PXN: variants seen among roughly 807,000 people sequenced by gnomAD.
PXN encodes testicular tissue protein Li 134.
A neutral mutation model predicts 103.6 loss-of-function variants in PXN; 61 were observed. That is an observed-to-expected ratio of 0.59 (90% CI 0.48 to 0.73). The LOEUF is 0.73. Ranked by LOEUF, PXN falls within the 30% of genes least tolerant of loss-of-function variation. PXN has a pLI of 0.00. For missense variants in PXN, 1,274 were observed against 1,460.3 expected (o/e 0.87, Z 2.08); for synonymous variants, 562 against 607.8 (o/e 0.92, Z 1.11).
chr12:120,233,409 T>A (rs900684971), intron 1 of PXN, among the ~76,000 whole-genome samples: 3 of 152,098 alleles, frequency 2.0e-5, no homozygotes, highest in Non-Finnish European at 2.9e-5. Context: ...CGGGTTCAAA[T>A]GATCCTCCTG....
rs769355352 is a variant in PXN, at chr12:120,212,300, CAG to C, written c.*12_*13del. The C allele has an allele frequency of 3.9e-5, 63 of 1,607,056 alleles. No individual in the cohort carries two copies. In the East Asian group the frequency reaches 8.3e-4, roughly 21 times the overall value. The stretch of plus-strand genomic sequence containing the variant: ...GCTGGCTGGGGAAGGGGGGCAGAGA[CAG>C]GGGCAGGGCACCTAGCAGAAGAGCT... On this transcript the variant is annotated 3_prime_UTR_variant, in exon 15 of 15. Coordinates refer to ENST00000637617, the MANE Select transcript of PXN (RefSeq NM_001385981.1). The surrounding 1 kb of genome is among the most constrained non-coding windows in gnomAD (Gnocchi z 7.2).
chr12:120,241,499 A>G (rs1040761116), intron 1 of PXN, among the ~76,000 whole-genome samples: 30 of 152,346 alleles, frequency 2.0e-4, no homozygotes, highest in Admixed American at 4.6e-4. Flanking sequence ...TGATGGCTCC[A>G]ATCGCGTTCA....
At chr12:120,227,919 C>T (rs925998477) in intron 1 of PXN, among the ~76,000 whole-genome samples, 2 of 152,202 alleles carry the variant, frequency 1.3e-5, no homozygotes, top group Admixed American at 6.5e-5. Context: ...GCAAACAGAG[C>T]TGGCAGACAC....
At chr12:120,218,147 C>G (rs374035642) in intron 7 of PXN, among the ~76,000 whole-genome samples, 12 of 150,858 alleles carry the variant, frequency 8.0e-5, no homozygotes, top group East Asian at 7.8e-4. Flanking sequence ...TGGGCTAAAG[C>G]CATCCTCCTG....
At position 120,222,584 on chromosome 12, in the gene PXN, G is replaced by A; in HGVS notation, c.660C>T (p.Leu220=). The part of the protein sequence containing the change: ...LEDVRPSVES[L]LDELESSVPS... The stretch of plus-strand genomic sequence containing the variant: ...GCACGGAGCTCTCCAGTTCATCCAA[G>A]AGACTCTCCACACTGGGCCGCACGT... The change falls in exon 5 of 15, where the codon CTC becomes CTT. Residue 220 remains leucine (L), a synonymous_variant. Transcript: ENST00000637617. This position sits in a 1 kb window ranked among gnomAD's most constrained non-coding sequence, Gnocchi z 4.7. 1 of 1,608,094 alleles carries A rather than the reference G, an allele frequency of 6.2e-7. No individual in the cohort carries two copies.
At position 120,217,099 on chromosome 12, in the gene PXN, C is replaced by T; in HGVS notation, c.1734G>A (p.Arg578=). 1 of 1,589,720 alleles carries T rather than the reference C, an allele frequency of 6.3e-7. No individual in the cohort carries two copies. Among genetic ancestry groups the T allele is most frequent in the Non-Finnish European group, 8.5e-7 (1 of 1,176,470 alleles). ...GTGCGTGGCCAGACTCCCAGCTCCT[C>T]CTGATCACAGATCGGATCTAGGGGG... ...STSGQIRSVI[R]RSWESGHAHP... Residue 578 remains arginine, a synonymous_variant, in exon 8 of 15, where the codon AGG becomes AGA. Coordinates refer to ENST00000637617, the MANE Select transcript of PXN (RefSeq NM_001385981.1). This position sits in a 1 kb window ranked among gnomAD's most constrained non-coding sequence, Gnocchi z 4.1.
At position 120,217,179 on chromosome 12, in the gene PXN, G is replaced by C; in HGVS notation, c.1717-63C>G. On this transcript the variant is annotated intron_variant, in intron 7 of 14. Transcript: ENST00000637617. The surrounding 1 kb of genome is among the most constrained non-coding windows in gnomAD (Gnocchi z 4.1). ...TCCCAGCTTGCACAACGCTGCTCAG[G>C]CCACACTCAGATGCCTCAGGAGAGG... is the stretch of plus-strand genomic sequence containing the variant. 7.5e-7 allele frequency: 1 copy of C among 1,336,726 alleles called. No homozygotes were observed. Among genetic ancestry groups the C allele is most frequent in the Non-Finnish European group, 1.0e-6 (1 of 969,066 alleles). 82.8% of individuals were successfully genotyped at this position (1,336,726 alleles called of 1,614,324 possible). A position where few individuals can be genotyped will look rare whatever the true frequency, so the allele number is the denominator to read the frequency against.
At chr12:120,243,749 C>G (rs371280692) in intron 1 of PXN, among the ~76,000 whole-genome samples, 11 of 152,286 alleles carry the variant, frequency 7.2e-5, no homozygotes, top group East Asian at 5.8e-4. Context: ...GAAGCCCTCC[C>G]TGACCTTACT....
chr12:120,256,906 G>T lies in PXN; in HGVS notation c.13+8711C>A, dbSNP rs151273439. Among the ~76,000 whole-genome samples the T allele has an allele frequency of 8.4e-3, 1,281 of 152,190 alleles. 18 individuals carry two copies. Among genetic ancestry groups the T allele is most frequent in the African/African-American group, 0.027 (1,111 of 41,528 alleles). ...CTAATTTTGTATTTTAGTAGAGATG[G>T]GGTTTCTCCATGTTGGTCAAGCTGG... On this transcript the variant is annotated intron_variant, in intron 1 of 14. Coordinates refer to ENST00000637617, the MANE Select transcript of PXN (RefSeq NM_001385981.1).
chr12:120,234,421 C>CA (rs1432314580), intron 1 of PXN, among the ~76,000 whole-genome samples: 17 of 151,732 alleles, frequency 1.1e-4, no homozygotes, highest in East Asian at 7.7e-4. Context: ...AAAAACAAAA[C>CA]AAAAAAAACA....
At position 120,221,935 on chromosome 12, in the gene PXN, A is replaced by G. The variant is rs915938032; in HGVS notation, c.696-177T>C. Among the ~76,000 whole-genome samples the G allele has an allele frequency of 2.6e-5, 4 of 152,100 alleles. No homozygotes were observed. The highest frequency in any genetic ancestry group is 4.8e-5 in the African/African-American group (2 of 41,406). ...CTGGGTCAGAAGAAAGGGCAGTTCAATGGCACCAGGAAGTGCCAGGAAGAC... is the reference window on the plus strand; with the variant it reads ...CTGGGTCAGAAGAAAGGGCAGTTCAGTGGCACCAGGAAGTGCCAGGAAGAC... On this transcript the variant is annotated intron_variant, in intron 5 of 14. Coordinates refer to ENST00000637617, the MANE Select transcript of PXN (RefSeq NM_001385981.1). This position sits in a 1 kb window ranked among gnomAD's most constrained non-coding sequence, Gnocchi z 6.6.
At chr12:120,244,848 T>A (rs528202531) in intron 1 of PXN, among the ~76,000 whole-genome samples, 107 of 151,104 alleles carry the variant, frequency 7.1e-4, no homozygotes, top group African/African-American at 2.4e-3. Context: ...TAAAATAAAA[T>A]AAAATAAATA....
intron 1 of PXN, among the ~76,000 whole-genome samples, chr12:120,241,587 A>G (rs1890147052): frequency 6.6e-6 from 1 of 152,214 alleles, no homozygotes; most frequent in South Asian, 2.1e-4. Flanking sequence ...GGGAGCACTG[A>G]CTAGTGGGAG....
At chr12:120,263,479 A>C (rs1894197084) in intron 1 of PXN, among the ~76,000 whole-genome samples, 1 of 152,200 alleles carries the variant, frequency 6.6e-6, no homozygotes, top group South Asian at 2.1e-4. Context: ...CTCCCCAGGA[A>C]AAAAAGTCTT....
rs921512992 is a variant in PXN at position 120,215,408 on chromosome 12, G to T, written c.2404-135C>A. On this transcript the variant is annotated intron_variant, in intron 10 of 14. Transcript: ENST00000637617. This position sits in a 1 kb window ranked among gnomAD's most constrained non-coding sequence, Gnocchi z 4.9. ...ACAAGAAGTACAACCTCCTCCAGGG[G>T]CCAGGAGCCCTAAAGTGGGAGTGAC... The T allele has an allele frequency of 2.8e-6, 4 of 1,451,622 alleles. No individual in the cohort carries two copies. Among genetic ancestry groups the T allele is most frequent in the Middle Eastern group, 1.8e-4 (1 of 5,576 alleles). The allele number at this position is 1,451,622 out of a possible 1,614,324, so 89.9% of individuals were successfully genotyped here.
rs1010228343 is a variant in PXN at position 120,220,628 on chromosome 12, C to T, written c.832-537G>A. ...GAGAAAACGGCAGCCTTAAAAGCACCGGGGCACAGCTCCCTCAGGCCAGGC... is the reference window on the plus strand; with the variant it reads ...GAGAAAACGGCAGCCTTAAAAGCACTGGGGCACAGCTCCCTCAGGCCAGGC... On this transcript the variant is annotated intron_variant, in intron 6 of 14. Transcript: ENST00000637617. This position sits in a 1 kb window ranked among gnomAD's most constrained non-coding sequence, Gnocchi z 6.1. Among the ~76,000 whole-genome samples, 2 of 152,212 alleles carry T rather than the reference C, an allele frequency of 1.3e-5. No individual in the cohort carries two copies. Among genetic ancestry groups the T allele is most frequent in the South Asian group, 2.1e-4 (1 of 4,824 alleles).
chr12:120,229,482 T>C lies in PXN; in HGVS notation c.14-5105A>G, dbSNP rs541265549. Among the ~76,000 whole-genome samples the C allele has an allele frequency of 6.6e-6, 1 of 152,308 alleles. No homozygotes were observed. Among genetic ancestry groups the C allele is most frequent in the African/African-American group, 2.4e-5 (1 of 41,556 alleles). ...TGAGGACTTTCAGTGTTACAACTTG[T>C]ACGGTGAATCCTCAGTCACCTGGGC... On this transcript the variant is annotated intron_variant, in intron 1 of 14. Coordinates refer to ENST00000637617, the MANE Select transcript of PXN (RefSeq NM_001385981.1). The surrounding 1 kb of genome is among the most constrained non-coding windows in gnomAD (Gnocchi z 4.0).
chr12:120,234,995 G>C (rs993213736), intron 1 of PXN, among the ~76,000 whole-genome samples: 1 of 152,022 alleles, frequency 6.6e-6, no homozygotes, highest in African/African-American at 2.4e-5. Flanking sequence ...TTTGTGTCTC[G>C]GGTTCATTCC....
intron 1 of PXN, among the ~76,000 whole-genome samples, chr12:120,246,189 C>T (rs548513198): frequency 6.6e-6 from 1 of 152,268 alleles, no homozygotes; most frequent in African/African-American, 2.4e-5. Flanking sequence ...GAGTTAGAGA[C>T]CAGCCTGGGC....
Sources: allele counts gnomAD v4.1 joint callset (sites outside exome capture counted in the v4.1 genomes callset), GRCh38; gene constraint gnomAD v4.1.1; non-coding constraint Gnocchi (gnomAD v3.1); transcripts MANE v1.5; gene names NCBI Gene and HGNC (gene_info 2026-07-23, HGNC 2026-07-21).